MACF1: variants seen among roughly 807,000 people sequenced by gnomAD.
MACF1 encodes microtubule actin crosslinking factor 1.
A neutral mutation model predicts 854.8 loss-of-function variants in MACF1; 193 were observed. The observed-to-expected ratio is 0.23, with a 90% confidence interval of 0.20 to 0.25. MACF1 has a LOEUF of 0.25. MACF1 is among the 10% of genes least tolerant of loss of function. The probability of loss-of-function intolerance (pLI) is 1.00; values close to 1 mark genes in which losing one functional copy is unlikely to be tolerated. For synonymous variants in MACF1, 3,185 were observed against 3,226.7 expected (o/e 0.99, Z 0.44); for missense variants, 7,722 against 8,929.1 (o/e 0.86, Z 5.45).
rs1166921689 is a variant in MACF1, at chr1:39,442,173, G to A, written c.18801G>A (p.Gln6267=). 6.3e-7 allele frequency: 1 copy of A among 1,596,090 alleles called. No individual in the cohort carries two copies. Among genetic ancestry groups the A allele is most frequent in the East Asian group, 2.2e-5 (1 of 44,766 alleles). Residue 6267 remains glutamine, a synonymous_variant, in exon 76 of 101, where the codon CAG becomes CAA. Coordinates refer to ENST00000564288, the MANE Select transcript of MACF1 (RefSeq NM_001394062.1). ...AGTTCAAAGTAGAAGTTTACCAACAGCAAATTGAGATGGAGAAGCTTAATC... is the reference window on the plus strand; with the variant it reads ...AGTTCAAAGTAGAAGTTTACCAACAACAAATTGAGATGGAGAAGCTTAATC... ...MKEFKVEVYQ[Q]QIEMEKLNHQ...
intron 15 of MACF1, among the ~76,000 whole-genome samples, chr1:39,289,693 C>CTTTTTTTTTTTTTGTTTTT: frequency 3.5e-5 from 1 of 28,940 alleles, no homozygotes; most frequent in Non-Finnish European, 6.0e-5. Context: ...GTGGGTTGTC[C>CTTTTTTTTTTTTTGTTTTT]TTTTTTTTTT....
chr1:39,092,949 AT>A (rs1641843078), intron 2 of MACF1, among the ~76,000 whole-genome samples: 1 of 151,722 alleles, frequency 6.6e-6, no homozygotes, highest in South Asian at 2.1e-4. Context: ...TGCCCAGCTA[AT>A]TTTTTTGTAT....
chr1:39,359,389 T>C, intron 47 of MACF1, 125 bp downstream of exon 47: 1 of 1,083,672 alleles, frequency 9.2e-7, no homozygotes, highest in East Asian at 2.5e-5. Flanking sequence ...AATATAAACA[T>C]GAATAGACAT....
Position 39,429,827 on chromosome 1 carries a change from G to A in MACF1, c.16889G>A (p.Gly5630Asp), listed in dbSNP as rs754121182. The A allele has an allele frequency of 6.2e-7, 1 of 1,613,880 alleles. No individual in the cohort carries two copies. The highest frequency in any genetic ancestry group is 2.2e-5 in the East Asian group (1 of 44,876). ...NGQALLKQTT[G>D]EEVLLIQEKL... is the part of the protein sequence containing the mutation. ...AGTAATTGTGTGCTATCTTCCATAG[G>A]TGAGGAGGTGTTACTTATCCAGGAA... Residue 5630 changes from glycine (G) to aspartate (D), a missense_variant and splice_region_variant, in exon 65 of 101, where the codon GGT becomes GAT. By Grantham distance (94) the Gly-to-Asp change is moderately conservative (BLOSUM62 -1). This residue lies in a region of MACF1 where 2,807 missense variants were observed against 3,235.8 expected (regional missense o/e 0.87). Coordinates refer to ENST00000564288, the MANE Select transcript of MACF1 (RefSeq NM_001394062.1).
chr1:39,125,331 A>G (rs777575606), intron 2 of MACF1, among the ~76,000 whole-genome samples: 9 of 152,344 alleles, frequency 5.9e-5, no homozygotes, highest in Non-Finnish European at 1.0e-4. Context: ...TCCTGGCTAT[A>G]TGACCTTGGG....
At chr1:39,344,108 T>A (rs1569597338) in intron 40 of MACF1, among the ~76,000 whole-genome samples, 2 of 123,842 alleles carry the variant, frequency 1.6e-5, no homozygotes, top group East Asian at 4.6e-4. Context: ...AGAGGGAAAC[T>A]CCATCTCAAA....
chr1:39,436,562 G>A, intron 70 of MACF1: 1 of 1,394,286 alleles, frequency 7.2e-7, no homozygotes, highest in South Asian at 1.2e-5. Context: ...ACCTGTAAGG[G>A]AATTTCCCTT....
intron 15 of MACF1, among the ~76,000 whole-genome samples, chr1:39,289,373 G>A (rs1468435716): frequency 6.6e-6 from 1 of 152,108 alleles, no homozygotes; most frequent in African/African-American, 2.4e-5. Context: ...CGAGGCTTCC[G>A]TTTTCTCCAT....
rs375506992 is a variant in MACF1, at chr1:39,317,410, G to C, written c.3782+3G>C. On this transcript the variant is annotated splice_donor_region_variant and intron_variant, in intron 29 of 100. Transcript: ENST00000564288. The stretch of plus-strand genomic sequence containing the variant: ...GTCATTGCCCAGCTCGAGATTCGGT[G>C]AGTGGTGGCCCCACCTTTTTCTCCT... The C allele has an allele frequency of 2.8e-5, 45 of 1,611,896 alleles. No homozygotes were observed. The African/African-American group carries it at 5.5e-4, about 20-fold the overall frequency.
In MACF1 at chr1:39,335,575, A is replaced by T; in HGVS notation, c.8987A>T (p.Glu2996Val). The change falls in exon 37 of 101, where the codon GAA (glutamate) becomes GTA (valine). Residue 2996 changes from glutamate (E) to valine (V), a missense_variant. Transcript: ENST00000564288. Reference protein sequence around the residue: ...IRTCKPAFLSEEKLYQETAIR... With the variant: ...IRTCKPAFLSVEKLYQETAIR... ...ACATGCAAACCAGCATTTCTTTCTGAAGAAAAGTTGTATCAGGAAACTGCC... is the reference window on the plus strand; with the variant it reads ...ACATGCAAACCAGCATTTCTTTCTGTAGAAAAGTTGTATCAGGAAACTGCC... 6.2e-7 allele frequency: 1 copy of T among 1,614,222 alleles called. No individual in the cohort carries two copies. The highest frequency in any genetic ancestry group is 2.2e-5 in the East Asian group (1 of 44,884).
At chr1:39,108,863 A>G (rs1378053305) in intron 2 of MACF1, among the ~76,000 whole-genome samples, 1 of 152,218 alleles carries the variant, frequency 6.6e-6, no homozygotes, top group African/African-American at 2.4e-5. Flanking sequence ...ATAAAAGAGA[A>G]CATTCACATT....
intron 6 of MACF1, among the ~76,000 whole-genome samples, chr1:39,271,467 T>C (rs1183820378): frequency 6.6e-6 from 1 of 152,196 alleles, no homozygotes; most frequent in African/African-American, 2.4e-5. Flanking sequence ...CATGATCCAG[T>C]CGTCTCCCAC....
At chr1:39,197,149 C>T (rs972123265) in intron 2 of MACF1, among the ~76,000 whole-genome samples, 6 of 152,040 alleles carry the variant, frequency 3.9e-5, no homozygotes, top group Non-Finnish European at 7.4e-5. Flanking sequence ...CTTAGTTTCA[C>T]CAAGTGAAAA....
At chr1:39,269,843 G>T (rs1400839314) in intron 6 of MACF1, 2 of 723,106 alleles carry the variant, frequency 2.8e-6, no homozygotes, top group Non-Finnish European at 3.9e-6. Context: ...CCCCATGTGG[G>T]TTAGTATCTG....
rs561125322 is a variant in MACF1, at chr1:39,436,926, A to C, written c.17989-851A>C. ...TGGTCTTCCTTAATTACCTTTCATT[A>C]TTCCAACGTTTTTTCTCTCTTATTG... On this transcript the variant is annotated intron_variant, in intron 70 of 100. Transcript: ENST00000564288. 5.3e-5 allele frequency among the ~76,000 whole-genome samples: 8 copies of C among 152,352 alleles called. No homozygotes were observed. In the South Asian group the frequency reaches 1.7e-3, roughly 32 times the overall value.
chr1:39,134,265 T>C (rs1046936869), intron 2 of MACF1, among the ~76,000 whole-genome samples: 4 of 151,450 alleles, frequency 2.6e-5, no homozygotes, highest in African/African-American at 9.7e-5. Context: ...CCAGGATGGT[T>C]TCGATCTCCT....
At position 39,084,408 on chromosome 1, in the gene MACF1, C is replaced by G. The variant is rs1329405588; in HGVS notation, c.190C>G (p.Pro64Ala). The stretch of plus-strand genomic sequence containing the variant: ...GAAAAGCCAGGATTCGGTGCTGGAC[C>G]CTGCAGAGCGTGCTGTGGTCAGAGT... Residue 64 changes from proline (P) to alanine (A), a missense_variant, in exon 2 of 94, where the codon CCT (proline) becomes GCT (alanine). By Grantham distance (27) the Pro-to-Ala change is conservative. Coordinates refer to the MACF1 transcript ENST00000361689. This position sits in a 1 kb window ranked among gnomAD's most constrained non-coding sequence, Gnocchi z 5.2. 1 of 1,611,726 alleles carries G rather than the reference C, an allele frequency of 6.2e-7. No homozygotes were observed. The highest frequency in any genetic ancestry group is 1.3e-5 in the African/African-American group (1 of 75,022).
intron 72 of MACF1, 79 bp from the exon 73 acceptor site, chr1:39,440,924 G>A (rs1570093619): frequency 1.4e-6 from 2 of 1,457,980 alleles, no homozygotes; most frequent in Non-Finnish European, 9.6e-7. Flanking sequence ...TATTGATGGG[G>A]TATAAATCAC....
intron 91 of MACF1, 79 bp downstream of exon 91, chr1:39,459,328 A>G (rs1267698324): frequency 4.9e-6 from 7 of 1,415,360 alleles, no homozygotes; most frequent in Non-Finnish European, 5.7e-6. Context: ...GGCTCTCTTA[A>G]TGTGAACCTT....
Sources: gnomAD v4.1 joint callset for allele counts (sites outside exome capture counted in the v4.1 genomes callset) on GRCh38, gnomAD v4.1.1 for gene constraint, gnomAD v4.1.1 regional missense constraint, Gnocchi (gnomAD v3.1) non-coding constraint, MANE v1.5 for transcripts, NCBI Gene and HGNC (gene_info 2026-07-23, HGNC 2026-07-21) for gene names.